RSF1: variants seen among roughly 807,000 people sequenced by gnomAD.
The protein encoded by RSF1 is remodeling and spacing factor 1.
Under a neutral mutation model 145.2 loss-of-function variants are expected in RSF1, and 13 were observed. That is an observed-to-expected ratio of 0.09 (90% CI 0.06 to 0.14). The LOEUF is 0.14. RSF1 is among the 10% of genes least tolerant of loss of function. The pLI is 1.00. For missense variants in RSF1, 1,517 were observed against 1,718.2 expected (o/e 0.88, Z 2.07); for synonymous variants, 577 against 592.6 (o/e 0.97, Z 0.38).
chr11:77,848,329 T>G, the RSF1 span, among the ~76,000 whole-genome samples: 6 of 152,136 alleles, frequency 3.9e-5, no homozygotes, highest in Non-Finnish European at 8.8e-5. Context: ...TTTTCCCACA[T>G]AAGACCATAT....
chr11:77,666,835 A>G lies in RSF1; in HGVS notation c.*82T>C. ...CATTCTGTAGTGGAGTTTTCTAGGA[A>G]AAATTAAACAGCTTTTAATAACTGG... On this transcript the variant is annotated 3_prime_UTR_variant, in exon 16 of 16. Coordinates refer to ENST00000308488, the MANE Select transcript of RSF1 (RefSeq NM_016578.4). The G allele has an allele frequency of 1.6e-6, 2 of 1,228,900 alleles. No homozygotes were observed. The highest frequency in any genetic ancestry group is 2.2e-6 in the Non-Finnish European group (2 of 900,418). 76.1% of individuals were successfully genotyped at this position (1,228,900 alleles called of 1,614,324 possible).
intron 12 of RSF1, 130 bp from the exon 13 acceptor site, chr11:77,677,129 T>C (rs1447818303): frequency 1.4e-6 from 1 of 716,094 alleles, no homozygotes; most frequent in Non-Finnish European, 2.3e-6. Flanking sequence ...CCAACAAATA[T>C]GCAGTTTTCT....
At chr11:77,713,201 T>C (rs140522247) in intron 5 of RSF1, among the ~76,000 whole-genome samples, 1 of 152,238 alleles carries the variant, frequency 6.6e-6, no homozygotes, top group Non-Finnish European at 1.5e-5. Context: ...TCAGTCATTT[T>C]GGCTATCTAA....
chr11:77,713,558 A>G (rs896083715), intron 5 of RSF1, among the ~76,000 whole-genome samples: 3 of 152,234 alleles, frequency 2.0e-5, no homozygotes, highest in African/African-American at 7.2e-5. Flanking sequence ...CTACTTCAGG[A>G]AAGTGTTTTC....
At chr11:77,733,951 T>A (rs936572907) in intron 4 of RSF1, among the ~76,000 whole-genome samples, 3 of 151,872 alleles carry the variant, frequency 2.0e-5, no homozygotes, top group Admixed American at 6.6e-5. Context: ...AGATGTAAAA[T>A]TTTTTTTTCT....
At chr11:77,868,363 T>A in the RSF1 span, among the ~76,000 whole-genome samples, 1 of 147,222 alleles carries the variant, frequency 6.8e-6, no homozygotes, top group African/African-American at 2.5e-5. Flanking sequence ...CCGCCTTTTT[T>A]TTTTTTTTTT....
chr11:77,685,997 C>T (rs1310474359), intron 9 of RSF1, among the ~76,000 whole-genome samples: 1 of 152,164 alleles, frequency 6.6e-6, no homozygotes, highest in African/African-American at 2.4e-5. Flanking sequence ...ACGTATAGCT[C>T]TGTGCTCTAG....
At chr11:77,695,652 G>T (rs572525327) in intron 7 of RSF1, among the ~76,000 whole-genome samples, 1 of 151,768 alleles carries the variant, frequency 6.6e-6, no homozygotes, top group African/African-American at 2.4e-5. Flanking sequence ...TATTTTCCCT[G>T]CCCAAGCCTT....
In RSF1 at chr11:77,666,802, C is replaced by T. The variant is rs1395239746; in HGVS notation, c.*115G>A. 1.4e-5 allele frequency: 11 copies of T among 810,630 alleles called. No homozygotes were observed. Among genetic ancestry groups the T allele is most frequent in the Non-Finnish European group, 2.0e-5 (11 of 549,738 alleles). 50.2% of individuals were successfully genotyped at this position (810,630 alleles called of 1,614,324 possible). A position where few individuals can be genotyped will look rare whatever the true frequency, so the allele number is the denominator to read the frequency against. On this transcript the variant is annotated 3_prime_UTR_variant, in exon 16 of 16. Transcript: ENST00000308488. ...TTCAGGATTTGTTGAAATTTTTCTT[C>T]TAAAAGTCATTCTGTAGTGGAGTTT...
At chr11:77,812,042 G>C (rs1313786403) in intron 1 of RSF1, among the ~76,000 whole-genome samples, 1 of 152,082 alleles carries the variant, frequency 6.6e-6, no homozygotes, top group Non-Finnish European at 1.5e-5. Flanking sequence ...GCTGGGTGTG[G>C]TGGCACATGC....
chr11:77,854,996 C>G, the RSF1 span, among the ~76,000 whole-genome samples: 1 of 152,218 alleles, frequency 6.6e-6, no homozygotes, highest in East Asian at 1.9e-4. Context: ...CTCATGGAAG[C>G]CACCAAGGCC....
chr11:77,673,917 CCA>C (rs1959623210), intron 14 of RSF1, among the ~76,000 whole-genome samples: 2 of 151,882 alleles, frequency 1.3e-5, no homozygotes, highest in Admixed American at 6.6e-5. Context: ...GAGGATTATT[CCA>C]GATTAATGGA....
chr11:77,759,510 C>T (rs571370907), intron 2 of RSF1, among the ~76,000 whole-genome samples: 2 of 152,230 alleles, frequency 1.3e-5, no homozygotes, highest in South Asian at 4.1e-4. Context: ...ATGGTGAAAC[C>T]CCGTCTTTAC....
chr11:77,806,937 T>A (rs1948683568), intron 1 of RSF1, among the ~76,000 whole-genome samples: 1 of 152,230 alleles, frequency 6.6e-6, no homozygotes, highest in Non-Finnish European at 1.5e-5. Flanking sequence ...TTCATTCAGC[T>A]AACATTTGAG....
At chr11:77,723,517 T>C (rs1345249699) in intron 5 of RSF1, among the ~76,000 whole-genome samples, 1 of 152,110 alleles carries the variant, frequency 6.6e-6, no homozygotes, top group African/African-American at 2.4e-5. Flanking sequence ...TTTTAACATA[T>C]GAAAAATAAT....
the RSF1 span, among the ~76,000 whole-genome samples, chr11:77,837,390 C>A: frequency 6.6e-6 from 1 of 151,026 alleles, no homozygotes; most frequent in African/African-American, 2.4e-5. Context: ...CCTGCCTCGG[C>A]CTCCCAAAAT....
chr11:77,733,088 C>A (rs1361156601), intron 4 of RSF1, among the ~76,000 whole-genome samples: 2 of 151,850 alleles, frequency 1.3e-5, no homozygotes, highest in East Asian at 3.9e-4. Flanking sequence ...ATATAAATAC[C>A]CAGAAATGAA....
chr11:77,686,408 C>CAAAAAAAAAAAAAAAAAAAAAAAAAA lies in RSF1; in HGVS notation c.2901-1250_2901-1249insTTTTTTTTTTTTTTTTTTTTTTTTTT, dbSNP rs564410248. Among the ~76,000 whole-genome samples the CAAAAAAAAAAAAAAAAAAAAAAAAAA allele has an allele frequency of 5.4e-4, 20 of 37,110 alleles. 1 individual carries two copies. The highest frequency in any genetic ancestry group is 1.1e-3 in the Admixed American group (3 of 2,792). 24.3% of individuals were successfully genotyped at this position (37,110 alleles called of 152,430 possible). A position where few individuals can be genotyped will look rare whatever the true frequency, so the allele number is the denominator to read the frequency against. ...GGGCATCAAGAGTGAGACCCTGTCTCAAAAAAAAAAAAAAAAAAAAGCAGG... is the reference window on the plus strand; with the variant it reads ...GGGCATCAAGAGTGAGACCCTGTCTCAAAAAAAAAAAAAAAAAAAAAAAAAAAAAAAAAAAAAAAAAAAAAAGCAGG... On this transcript the variant is annotated intron_variant, in intron 9 of 15. Transcript: ENST00000308488.
At chr11:77,805,845 C>T (rs1008589095) in intron 1 of RSF1, among the ~76,000 whole-genome samples, 5 of 152,170 alleles carry the variant, frequency 3.3e-5, no homozygotes, top group Non-Finnish European at 7.3e-5. Context: ...TATAAACAAA[C>T]GCTGGGTCTT....
Sources: allele counts gnomAD v4.1 joint callset (sites outside exome capture counted in the v4.1 genomes callset), GRCh38; gene constraint gnomAD v4.1.1; transcripts MANE v1.5; gene names NCBI Gene and HGNC (gene_info 2026-07-23, HGNC 2026-07-21).